The following NELL2 variants were observed in gnomAD, a reference collection of about 807,000 sequenced individuals.
NELL2 encodes neural EGFL like 2.
NELL2 carries 41 observed loss-of-function variants against 109.6 expected under a neutral mutation model. The ratio of observed to expected loss-of-function variants is 0.37; its 90% CI spans 0.29 to 0.49. NELL2 has a LOEUF of 0.49. Ranked by LOEUF, NELL2 falls within the 20% of genes least tolerant of loss-of-function variation. The pLI is 0.98. For synonymous variants in NELL2, 355 were observed against 344.7 expected (o/e 1.03, Z -0.33); for missense variants, 900 against 1,008.3 (o/e 0.89, Z 1.45).
intron 9 of NELL2, among the ~76,000 whole-genome samples, chr12:44,732,960 C>T (rs1012212162): frequency 1.3e-5 from 2 of 152,004 alleles, no homozygotes; most frequent in Non-Finnish European, 1.5e-5. Context: ...CTTAACATCA[C>T]TAATTATCAG....
At chr12:44,804,827 C>T (rs2136660632) in intron 3 of NELL2, among the ~76,000 whole-genome samples, 1 of 151,834 alleles carries the variant, frequency 6.6e-6, no homozygotes, top group South Asian at 2.1e-4. Flanking sequence ...ACTTTCATGG[C>T]ACATCAAAAA....
chr12:44,840,823 CT>C (rs1015111557), intron 2 of NELL2, among the ~76,000 whole-genome samples: 1 of 152,074 alleles, frequency 6.6e-6, no homozygotes, highest in African/African-American at 2.4e-5. Flanking sequence ...AATTCATTTT[CT>C]TTCTTTTTTT....
At chr12:44,879,152 A>G (rs1049046131), upstream of NELL2, among the ~76,000 whole-genome samples, 9 of 152,192 alleles carry the variant, frequency 5.9e-5, no homozygotes, top group East Asian at 1.9e-4. Flanking sequence ...CTATGAGACA[A>G]GGAATATGGG....
chr12:44,686,069 T>G (rs1010068885), intron 12 of NELL2, among the ~76,000 whole-genome samples: 1 of 152,224 alleles, frequency 6.6e-6, no homozygotes, highest in Non-Finnish European at 1.5e-5. Context: ...GACATAGATT[T>G]GGTCTTTTCA....
At chr12:44,713,435 T>G (rs1222740392) in intron 10 of NELL2, among the ~76,000 whole-genome samples, 1 of 151,954 alleles carries the variant, frequency 6.6e-6, no homozygotes, top group Non-Finnish European at 1.5e-5. Flanking sequence ...GTCTTCCAAT[T>G]CTTTTATCTA....
At chr12:44,633,755 T>G (rs1946538266) in intron 13 of NELL2, among the ~76,000 whole-genome samples, 1 of 152,162 alleles carries the variant, frequency 6.6e-6, no homozygotes, top group South Asian at 2.1e-4. Flanking sequence ...CATTGTTAAG[T>G]ACTTGACCAA....
chr12:44,543,519 T>G (rs1046841886), intron 15 of NELL2, among the ~76,000 whole-genome samples: 1 of 152,134 alleles, frequency 6.6e-6, no homozygotes, highest in Non-Finnish European at 1.5e-5. Flanking sequence ...CATGGAGAAT[T>G]TTAGGAGGGA....
chr12:44,908,807 A>T (rs1945748368), intron 1 of NELL2, among the ~76,000 whole-genome samples: 1 of 152,052 alleles, frequency 6.6e-6, no homozygotes, highest in Non-Finnish European at 1.5e-5. Context: ...GCTAATGACC[A>T]CACTAGAAAA....
chr12:44,791,838 A>G (rs1942446459), intron 3 of NELL2, among the ~76,000 whole-genome samples: 1 of 152,114 alleles, frequency 6.6e-6, no homozygotes, highest in African/African-American at 2.4e-5. Flanking sequence ...AAGGACAGCT[A>G]GATTTATAAG....
chr12:44,654,797 G>A (rs1309112534), intron 13 of NELL2, among the ~76,000 whole-genome samples: 2 of 152,140 alleles, frequency 1.3e-5, no homozygotes, highest in African/African-American at 4.8e-5. Flanking sequence ...AGCGAGGCGA[G>A]GCAATGTCAC....
intron 15 of NELL2, among the ~76,000 whole-genome samples, chr12:44,555,953 T>C (rs1943236496): frequency 6.6e-6 from 1 of 152,174 alleles, no homozygotes; most frequent in African/African-American, 2.4e-5. Flanking sequence ...TAGGTACACA[T>C]ATACCCAAGG....
At chr12:44,839,781 A>C (rs1592633975) in intron 2 of NELL2, among the ~76,000 whole-genome samples, 1 of 149,298 alleles carries the variant, frequency 6.7e-6, no homozygotes, top group Non-Finnish European at 1.5e-5. Flanking sequence ...TGTTCTTCAC[A>C]CCCATGATAA....
At position 44,746,935 on chromosome 12, in the gene NELL2, C is replaced by T. The variant is rs893787924; in HGVS notation, c.994+27812G>A. On this transcript the variant is annotated intron_variant, in intron 9 of 19. Coordinates refer to ENST00000429094, the MANE Select transcript of NELL2 (RefSeq NM_001145108.2). ...AACTAAAAATACCATTTGACCCAAC[C>T]ATCCCATTACTGGGTATATACCCAA... Among the ~76,000 whole-genome samples the T allele has an allele frequency of 2.1e-4, 32 of 152,276 alleles. 1 individual carries two copies. Among genetic ancestry groups the T allele is most frequent in the Admixed American group, 1.6e-3 (24 of 15,290 alleles).
chr12:44,622,364 T>C (rs913066146), intron 13 of NELL2, among the ~76,000 whole-genome samples: 1 of 152,142 alleles, frequency 6.6e-6, no homozygotes, highest in Non-Finnish European at 1.5e-5. Context: ...TCCATTGACA[T>C]TTATTTCAAA....
intron 3 of NELL2, among the ~76,000 whole-genome samples, chr12:44,814,358 A>C (rs1209957797): frequency 6.6e-6 from 1 of 152,246 alleles, no homozygotes; most frequent in Non-Finnish European, 1.5e-5. Flanking sequence ...ATGTAGAGGT[A>C]ATCAGAAATA....
intron 2 of NELL2, among the ~76,000 whole-genome samples, chr12:44,846,145 A>G (rs1944363098): frequency 6.6e-6 from 1 of 152,228 alleles, no homozygotes. Context: ...GTTTAAGGCC[A>G]TTTAAGAGAC....
At chr12:44,892,489 T>C (rs1252457158) in intron 1 of NELL2, among the ~76,000 whole-genome samples, 1 of 152,072 alleles carries the variant, frequency 6.6e-6, no homozygotes, top group African/African-American at 2.4e-5. Flanking sequence ...CTTCTTCTTA[T>C]CAAACTATTA....
At chr12:44,682,629 T>C (rs1401570711) in intron 12 of NELL2, among the ~76,000 whole-genome samples, 3 of 152,158 alleles carry the variant, frequency 2.0e-5, no homozygotes, top group African/African-American at 7.2e-5. Context: ...TTTCAGCTTT[T>C]TACATATGGC....
At chr12:44,786,353 G>A (rs543028865) in intron 3 of NELL2, among the ~76,000 whole-genome samples, 5 of 152,210 alleles carry the variant, frequency 3.3e-5, no homozygotes, top group Admixed American at 6.5e-5. Flanking sequence ...TTAGAATGGC[G>A]ATCATTAAAA....
Sources: allele counts gnomAD v4.1 joint callset (sites outside exome capture counted in the v4.1 genomes callset), GRCh38; gene constraint gnomAD v4.1.1; transcripts MANE v1.5; gene names NCBI Gene and HGNC (gene_info 2026-07-23, HGNC 2026-07-21).